COL3A1: variants seen among roughly 807,000 people sequenced by gnomAD.
The protein encoded by COL3A1 is collagen type III alpha 1 chain.
In COL3A1, 46 loss-of-function variants were observed where a neutral mutation model predicts 200.9. The ratio of observed to expected loss-of-function variants is 0.23; its 90% CI spans 0.18 to 0.29. The LOEUF is 0.29. Among genes scored for constraint, COL3A1 ranks in the 10% least tolerant of loss-of-function variants. The probability of loss-of-function intolerance (pLI) is 1.00; values close to 1 mark genes in which losing one functional copy is unlikely to be tolerated. For synonymous variants in COL3A1, 650 were observed against 628.0 expected (o/e 1.03, Z -0.52); for missense variants, 1,367 against 1,917.6 (o/e 0.71, Z 5.36).
chr2:188,981,349 T>G (rs1687948728), intron 1 of COL3A1, among the ~76,000 whole-genome samples: 1 of 151,496 alleles, frequency 6.6e-6, no homozygotes, highest in African/African-American at 2.4e-5. Flanking sequence ...ATACATTGCT[T>G]GTGTGATCAC....
intron 13 of COL3A1, 106 bp from the exon 14 acceptor site, chr2:188,992,078 A>G (rs941384096): frequency 4.9e-6 from 5 of 1,022,372 alleles, no homozygotes; most frequent in Non-Finnish European, 6.2e-6. Context: ...ATTTTAATGT[A>G]CTTGAAGAAA....
rs138788528 is a variant in COL3A1 at position 188,994,203 on chromosome 2, G to A, written c.1195-31G>A. 4.0e-5 allele frequency: 65 copies of A among 1,612,200 alleles called. No individual in the cohort carries two copies. In the East Asian group the frequency reaches 4.2e-4, roughly 11 times the overall value. The stretch of plus-strand genomic sequence containing the variant: ...TATTCATAAAAGAACATTCAAGTTC[G>A]GCTAATATAGTGTCTTTGGTTTGTT... On this transcript the variant is annotated intron_variant, in intron 17 of 50. Transcript: ENST00000304636. This position sits in a 1 kb window ranked among gnomAD's most constrained non-coding sequence, Gnocchi z 4.5.
Position 188,991,046 on chromosome 2 carries a change from C to G in COL3A1, c.841C>G (p.Pro281Ala), listed in dbSNP as rs796246255. 2 of 1,613,062 alleles carry G rather than the reference C, an allele frequency of 1.2e-6. No individual in the cohort carries two copies. Among genetic ancestry groups the G allele is most frequent in the African/African-American group, 2.7e-5 (2 of 74,962 alleles). ...TGGAGAAAAGGGTGAAACAGGTGCTCCTGGATTAAAGGTAAATCACAACAA... is the reference window on the plus strand; with the variant it reads ...TGGAGAAAAGGGTGAAACAGGTGCTGCTGGATTAAAGGTAAATCACAACAA... The part of the protein sequence containing the change: ...RNGEKGETGA[P>A]GLKGENGLPG... Residue 281 changes from proline (P) to alanine (A), a missense_variant, in exon 11 of 51, where the codon CCT (proline) becomes GCT (alanine). Physicochemically the swap from Pro to Ala is conservative, Grantham distance 27 (BLOSUM62 -1). Coordinates refer to ENST00000304636, the MANE Select transcript of COL3A1 (RefSeq NM_000090.4).
rs559185461 is a variant in COL3A1 at position 188,990,273 on chromosome 2, G to T, written c.745-34G>T. ...CTACTAGATTGTGATTCTATTTGAA[G>T]GTTCATTAATATTTTTTCATTCATT... On this transcript the variant is annotated intron_variant, in intron 9 of 50. Coordinates refer to ENST00000304636, the MANE Select transcript of COL3A1 (RefSeq NM_000090.4). 75 of 1,600,322 alleles carry T rather than the reference G, an allele frequency of 4.7e-5. 2 individuals are homozygous for T. The South Asian group carries it at 8.0e-4, about 17-fold the overall frequency.
rs374532173 is a variant in COL3A1, at chr2:188,994,820, G to T, written c.1444G>T (p.Ala482Ser). 1 of 1,613,460 alleles carries T rather than the reference G, an allele frequency of 6.2e-7. No homozygotes were observed. Among genetic ancestry groups the T allele is most frequent in the Non-Finnish European group, 8.5e-7 (1 of 1,179,944 alleles). Residue 482 changes from alanine (A) to serine (S), a missense_variant, in exon 20 of 51, where the codon GCA becomes TCA. Physicochemically the swap from Ala to Ser is moderately conservative, Grantham distance 99 (BLOSUM62 1). This residue lies in a region of COL3A1 where 462 missense variants were observed against 681.4 expected (regional missense o/e 0.68). Coordinates refer to ENST00000304636, the MANE Select transcript of COL3A1 (RefSeq NM_000090.4). The surrounding 1 kb of genome is among the most constrained non-coding windows in gnomAD (Gnocchi z 4.5). Reference sequence around the variant, plus strand: ...TGGTGCAAATGGGCTTCCAGGAGCTGCAGGAGAAAGGGTACGTTTTCCATG... The same window carrying T: ...TGGTGCAAATGGGCTTCCAGGAGCTTCAGGAGAAAGGGTACGTTTTCCATG... Reference protein sequence around the residue: ...EPGANGLPGAAGERGAPGFRG... With the variant: ...EPGANGLPGASGERGAPGFRG...
intron 6 of COL3A1, among the ~76,000 whole-genome samples, 188 bp from the exon 7 acceptor site, chr2:188,988,402 G>A (rs1264101544): frequency 6.6e-6 from 1 of 152,002 alleles, no homozygotes; most frequent in African/African-American, 2.4e-5. Context: ...CAGTTTTGAT[G>A]GATTGCAATG....
chr2:188,986,566 G>A (rs112948485), intron 4 of COL3A1, among the ~76,000 whole-genome samples: 2 of 152,072 alleles, frequency 1.3e-5, no homozygotes, highest in Admixed American at 6.6e-5. Context: ...TATTTTCTAT[G>A]GAGATGTTTA....
chr2:188,997,897 G>T, intron 27 of COL3A1, 144 bp downstream of exon 27: 1 of 751,882 alleles, frequency 1.3e-6, no homozygotes, highest in Admixed American at 2.1e-5. Flanking sequence ...TAATAGGTAG[G>T]CATATCTTCC....
intron 10 of COL3A1, among the ~76,000 whole-genome samples, chr2:188,990,626 A>T (rs1267103373): frequency 6.6e-6 from 1 of 152,152 alleles, no homozygotes; most frequent in African/African-American, 2.4e-5. Context: ...TTTGTGAATT[A>T]TGTTTTTTAT....
intron 29 of COL3A1, 143 bp from the exon 30 acceptor site, chr2:188,999,142 G>C: frequency 1.2e-6 from 1 of 814,974 alleles, no homozygotes; most frequent in South Asian, 1.5e-5. Flanking sequence ...CCACCCAGCT[G>C]TTCAACTATT....
At position 189,001,523 on chromosome 2, in the gene COL3A1, T is replaced by C; in HGVS notation, c.2338-13T>C. The stretch of plus-strand genomic sequence containing the variant: ...TTGGATGCAAGACAGTGACATGGCT[T>C]CTCTTTTTCCAGGGTGAAGGTGGTG... On this transcript the variant is annotated splice_polypyrimidine_tract_variant and intron_variant, in intron 33 of 50. Transcript: ENST00000304636. 6.2e-7 allele frequency: 1 copy of C among 1,614,144 alleles called. No homozygotes were observed. Among genetic ancestry groups the C allele is most frequent in the Non-Finnish European group, 8.5e-7 (1 of 1,180,006 alleles).
At chr2:189,003,091 C>A in intron 36 of COL3A1, 29 bp downstream of exon 36, 1 of 1,462,320 alleles carries the variant, frequency 6.8e-7, no homozygotes, top group Non-Finnish European at 9.4e-7. Context: ...CTCTGTCTAT[C>A]TATCTATCAT....
chr2:188,998,203 T>C, intron 27 of COL3A1, 63 bp from the exon 28 acceptor site: 1 of 1,452,154 alleles, frequency 6.9e-7, no homozygotes, highest in Non-Finnish European at 9.6e-7. Context: ...TGTGTACATA[T>C]GAGAAGCTTT....
intron 1 of COL3A1, among the ~76,000 whole-genome samples, chr2:188,975,605 GGAC>G (rs1175475142): frequency 2.0e-5 from 3 of 152,100 alleles, no homozygotes; most frequent in Non-Finnish European, 4.4e-5. Context: ...ATTTTGCAAA[GGAC>G]ACTGCATGAA....
At chr2:189,011,305 TTG>T (rs1421651301) in intron 50 of COL3A1, among the ~76,000 whole-genome samples, 2 of 152,362 alleles carry the variant, frequency 1.3e-5, no homozygotes, top group African/African-American at 4.8e-5. Flanking sequence ...GCGAATTTCA[TTG>T]TGAGAGACCT....
At position 189,002,513 on chromosome 2, in the gene COL3A1, C is replaced by T. The variant is rs13306260; in HGVS notation, c.2445+162C>T. ...TTTTGTTTTACTTTACCCCTATTGT[C>T]GCTCTTTGAAAGATGGAAATAAAAA... On this transcript the variant is annotated intron_variant, in intron 35 of 50. Transcript: ENST00000304636. Among the ~76,000 whole-genome samples, 12,564 of 152,150 alleles carry T rather than the reference C, an allele frequency of 0.083. 1,561 individuals carry two copies. The highest frequency in any genetic ancestry group is 0.27 in the African/African-American group (11,078 of 41,474).
chr2:188,974,530 C>G lies in COL3A1; in HGVS notation c.41C>G (p.Ala14Gly), dbSNP rs1231364424. The change falls in exon 1 of 51, where the codon GCT (alanine) becomes GGT (glycine). Residue 14 changes from alanine (A) to glycine (G), a missense_variant. This residue lies in a region of COL3A1 where 55 missense variants were observed against 51.5 expected (regional missense o/e 1.07). Transcript: ENST00000304636. ...CAAAAGGGGAGCTGGCTACTTCTCG[C>G]TCTGCTTCATCCCACTATTATTTTG... ...FVQKGSWLLL[A>G]LLHPTIILAQ... The G allele has an allele frequency of 1.2e-6, 2 of 1,613,952 alleles. No homozygotes were observed. Among genetic ancestry groups the G allele is most frequent in the East Asian group, 2.2e-5 (1 of 44,874 alleles).
intron 8 of COL3A1, 114 bp downstream of exon 8, chr2:188,989,563 GT>G: frequency 1.2e-6 from 1 of 819,160 alleles, no homozygotes; most frequent in South Asian, 1.6e-5. Context: ...TCAAAATATT[GT>G]TGTCTTAACA....
chr2:188,996,051 C>G, intron 22 of COL3A1, 74 bp from the exon 23 acceptor site: 2 of 1,406,682 alleles, frequency 1.4e-6, no homozygotes, highest in African/African-American at 2.9e-5. Flanking sequence ...ATATCAAAAT[C>G]ATACAAATAG....
Sources: gnomAD v4.1 joint callset for allele counts (sites outside exome capture counted in the v4.1 genomes callset) on GRCh38, gnomAD v4.1.1 for gene constraint, gnomAD v4.1.1 regional missense constraint, Gnocchi (gnomAD v3.1) non-coding constraint, MANE v1.5 for transcripts, NCBI Gene and HGNC (gene_info 2026-07-23, HGNC 2026-07-21) for gene names.